The following FAT3 variants were observed in gnomAD, a reference collection of about 807,000 sequenced individuals.
FAT3 encodes protocadherin Fat 3.
Under a neutral mutation model 310.2 loss-of-function variants are expected in FAT3, and 95 were observed. That is an observed-to-expected ratio of 0.31 (90% CI 0.26 to 0.36). The LOEUF is 0.36. Ranked by LOEUF, FAT3 falls within the 10% of genes least tolerant of loss-of-function variation. The pLI is 1.00. For missense variants in FAT3, 5,408 were observed against 5,715.6 expected (o/e 0.95, Z 1.74); for synonymous variants, 2,314 against 2,192.9 (o/e 1.06, Z -1.54).
chr11:92,341,313 G>A (rs748133198), intron 1 of FAT3, among the ~76,000 whole-genome samples: 8 of 152,130 alleles, frequency 5.3e-5, no homozygotes, highest in Non-Finnish European at 1.2e-4. Context: ...TAGTTGAGAG[G>A]TGTCCATGTT....
At position 92,840,611 on chromosome 11, in the gene FAT3, G is replaced by C. The variant is rs922578587; in HGVS notation, c.10418G>C (p.Arg3473Thr). 6.2e-7 allele frequency: 1 copy of C among 1,610,640 alleles called. No individual in the cohort carries two copies. Among genetic ancestry groups the C allele is most frequent in the Non-Finnish European group, 8.5e-7 (1 of 1,177,044 alleles). Residue 3473 changes from arginine to threonine, a missense_variant, in exon 18 of 28, where the codon AGA becomes ACA. Transcript: ENST00000525166. ...ATCTTGCAGCTGGTGGTGACAGACA[G>C]AGACTCCTTTCACAATGGGCCTCCC... is the stretch of plus-strand genomic sequence containing the variant. ...TSILQLVVTD[R>T]DSFHNGPPFS... is the part of the protein sequence containing the mutation.
At chr11:92,474,844 G>T (rs984051761) in intron 2 of FAT3, among the ~76,000 whole-genome samples, 3 of 152,144 alleles carry the variant, frequency 2.0e-5, no homozygotes, top group Admixed American at 2.0e-4. Context: ...GTGGACAGTG[G>T]GGAAAATACT....
chr11:92,427,170 C>T (rs1950653863), intron 2 of FAT3, among the ~76,000 whole-genome samples: 2 of 151,882 alleles, frequency 1.3e-5, no homozygotes, highest in South Asian at 4.1e-4. Context: ...TGATTTGGCT[C>T]TCTGTCTATT....
chr11:92,492,203 C>A (rs1047259228), intron 2 of FAT3, among the ~76,000 whole-genome samples: 1 of 151,932 alleles, frequency 6.6e-6, no homozygotes, highest in Non-Finnish European at 1.5e-5. Context: ...TTAAAATAAT[C>A]CTATTTAATG....
intron 2 of FAT3, among the ~76,000 whole-genome samples, chr11:92,440,123 A>G (rs1428373937): frequency 2.6e-5 from 4 of 151,962 alleles, no homozygotes; most frequent in Non-Finnish European, 4.4e-5. Flanking sequence ...CTAGATGGAA[A>G]GTACCGAAGA....
At chr11:92,319,547 C>T (rs1021951237) in intron 1 of FAT3, among the ~76,000 whole-genome samples, 4 of 152,140 alleles carry the variant, frequency 2.6e-5, no homozygotes. Flanking sequence ...ATATTCCTTC[C>T]ATCAGCGCCA....
rs186358546 is a variant in FAT3, at chr11:92,582,056, G to A, written c.3607+57108G>A. ...AAACAAGGGGTGGATTATTCATGCC[G>A]CCCTTTTTTAGACCATATAGGGTAA... On this transcript the variant is annotated intron_variant, in intron 3 of 27. Transcript: ENST00000525166. 1.4e-3 allele frequency among the ~76,000 whole-genome samples: 209 copies of A among 152,034 alleles called. 1 individual carries two copies. In the Middle Eastern group the frequency reaches 0.017, roughly 12 times the overall value.
chr11:92,325,746 C>G (rs1226663740), intron 1 of FAT3, among the ~76,000 whole-genome samples: 1 of 152,152 alleles, frequency 6.6e-6, no homozygotes, highest in Non-Finnish European at 1.5e-5. Context: ...ATTCTCCTGC[C>G]TCAGTCTGCT....
At chr11:92,311,396 G>C (rs1301997535) in intron 1 of FAT3, among the ~76,000 whole-genome samples, 1 of 152,120 alleles carries the variant, frequency 6.6e-6, no homozygotes, top group African/African-American at 2.4e-5. Context: ...TACAACACTT[G>C]TGATGTGTGT....
chr11:92,875,555 G>A lies in FAT3; in HGVS notation c.12128-5176G>A, dbSNP rs529640194. ...TTGCCACAGTCCCTATTCCAGGGGT[G>A]TGCTGGTAAACCAGTTCTCTAAAAA... On this transcript the variant is annotated intron_variant, in intron 22 of 27. Coordinates refer to ENST00000525166, the MANE Select transcript of FAT3 (RefSeq NM_001367949.2). 5.5e-4 allele frequency among the ~76,000 whole-genome samples: 84 copies of A among 151,966 alleles called. 1 individual carries two copies. The highest frequency in any genetic ancestry group is 5.0e-3 in the Admixed American group (77 of 15,276).
intron 1 of FAT3, among the ~76,000 whole-genome samples, chr11:92,263,387 A>G (rs1865636192): frequency 6.6e-6 from 1 of 152,006 alleles, no homozygotes. Context: ...TACATTAGAC[A>G]GTTGTATATA....
chr11:92,566,552 G>A (rs1955455825), intron 3 of FAT3, among the ~76,000 whole-genome samples: 1 of 151,916 alleles, frequency 6.6e-6, no homozygotes. Flanking sequence ...AAGTTCATAT[G>A]GAACCAAAAA....
intron 3 of FAT3, among the ~76,000 whole-genome samples, chr11:92,548,493 G>A (rs921471620): frequency 1.3e-5 from 2 of 152,160 alleles, no homozygotes; most frequent in Non-Finnish European, 2.9e-5. Context: ...AGCAAAGAAA[G>A]GAAATTCGCA....
chr11:92,408,549 C>T (rs1268968650), intron 2 of FAT3, among the ~76,000 whole-genome samples: 2 of 152,200 alleles, frequency 1.3e-5, no homozygotes, highest in African/African-American at 2.4e-5. Context: ...AAACACCTCA[C>T]TTAAGGCAGG....
chr11:92,638,427 T>C (rs1234505768), intron 3 of FAT3, among the ~76,000 whole-genome samples: 1 of 152,232 alleles, frequency 6.6e-6, no homozygotes, highest in Non-Finnish European at 1.5e-5. Flanking sequence ...TGATTGTCGA[T>C]TTTTATAGCA....
intron 1 of FAT3, among the ~76,000 whole-genome samples, chr11:92,351,120 T>G (rs1948553172): frequency 6.6e-6 from 1 of 152,184 alleles, no homozygotes; most frequent in South Asian, 2.1e-4. Flanking sequence ...AAGTATCTCT[T>G]GTAATTTCTA....
chr11:92,442,763 A>G (rs987318014), intron 2 of FAT3, among the ~76,000 whole-genome samples: 4 of 152,130 alleles, frequency 2.6e-5, no homozygotes, highest in South Asian at 2.1e-4. Context: ...CCCAAACAGG[A>G]CATTGTCTAT....
At position 92,806,415 on chromosome 11, in the gene FAT3, G is replaced by A. The variant is rs1277037498; in HGVS notation, c.9147G>A (p.Leu3049=). ...PEDIPSNKII[L]KVSAKDADIG... ...ACATTCCATCAAATAAAATCATCCT[G>A]AAAGTCAGTGCAAAGGATGCTGATA... is the stretch of plus-strand genomic sequence containing the variant. The change falls in exon 12 of 28, where the codon CTG becomes CTA. Residue 3049 remains leucine (L), a synonymous_variant. Coordinates refer to ENST00000525166, the MANE Select transcript of FAT3 (RefSeq NM_001367949.2). The A allele has an allele frequency of 6.3e-7, 1 of 1,593,718 alleles. No homozygotes were observed.
At chr11:92,559,332 A>C in intron 3 of FAT3, 1 of 187,970 alleles carries the variant, frequency 5.3e-6, no homozygotes, top group Non-Finnish European at 1.1e-5. Context: ...CAACTAACCT[A>C]CTTTCTCTTT....
Sources: gnomAD v4.1 joint callset for allele counts (sites outside exome capture counted in the v4.1 genomes callset) on GRCh38, gnomAD v4.1.1 for gene constraint, MANE v1.5 for transcripts, NCBI Gene and HGNC (gene_info 2026-07-23, HGNC 2026-07-21) for gene names.